Variants in ERC1 observed in about 807,000 individuals in gnomAD.
The protein encoded by ERC1 is ELKS/RAB6-interacting/CAST family member 1.
In ERC1, 56 loss-of-function variants were observed where a neutral mutation model predicts 132.0. The observed-to-expected ratio is 0.42, with a 90% CI of 0.34 to 0.53. ERC1 has a LOEUF of 0.53. Ranked by LOEUF, ERC1 falls within the 20% of genes least tolerant of loss-of-function variation. ERC1 has a pLI of 0.03. For missense variants in ERC1, 1,202 were observed against 1,349.9 expected (o/e 0.89, Z 1.72); for synonymous variants, 478 against 476.1 (o/e 1.00, Z -0.05).
rs1222939982 is a variant in ERC1 at position 1,491,238 on chromosome 12, C to T, written c.*1008C>T. 1 of 231,442 alleles carries T rather than the reference C, an allele frequency of 4.3e-6. No homozygotes were observed. Among genetic ancestry groups the T allele is most frequent in the African/African-American group, 2.2e-5 (1 of 45,268 alleles). 14.3% of individuals were successfully genotyped at this position (231,442 alleles called of 1,614,324 possible). A position where few individuals can be genotyped will look rare whatever the true frequency, so the allele number is the denominator to read the frequency against. Reference sequence around the variant, plus strand: ...TTGCCAGCACCCGTGTCCTGAGCTCCTGCAGCCCAGTGGCTGCTGAAGTTG... The same window carrying T: ...TTGCCAGCACCCGTGTCCTGAGCTCTTGCAGCCCAGTGGCTGCTGAAGTTG... On this transcript the variant is annotated 3_prime_UTR_variant, in exon 19 of 19. Transcript: ENST00000360905.
At chr12:1,057,585 G>GT (rs59761885) in intron 2 of ERC1, among the ~76,000 whole-genome samples, 75 of 47,674 alleles carry the variant, frequency 1.6e-3, no homozygotes, top group African/African-American at 4.5e-3. Flanking sequence ...GATGCGCATG[G>GT]TTTTTTTTTT....
chr12:1,299,274 C>T (rs1182723149), intron 15 of ERC1, among the ~76,000 whole-genome samples: 1 of 152,022 alleles, frequency 6.6e-6, no homozygotes, highest in Non-Finnish European at 1.5e-5. Flanking sequence ...ATATGCTGGG[C>T]CTTAAAAGTA....
rs778307558 is a variant in ERC1 at position 1,189,887 on chromosome 12, C to A, written c.2186C>A (p.Ala729Asp). The A allele has an allele frequency of 3.7e-6, 6 of 1,610,382 alleles. No individual in the cohort carries two copies. Among genetic ancestry groups the A allele is most frequent in the Non-Finnish European group, 4.2e-6 (5 of 1,178,194 alleles). ...KAHEAALEAR[A>D]SPEMSDRIQH... ...CATGAGGCAGCATTGGAAGCCAGAGCCAGTCCAGAGATGAGTGACCGAATA... is the reference window on the plus strand; with the variant it reads ...CATGAGGCAGCATTGGAAGCCAGAGACAGTCCAGAGATGAGTGACCGAATA... The change falls in exon 12 of 19, where the codon GCC becomes GAC. Residue 729 changes from alanine (A) to aspartate (D), a missense_variant. Ala to Asp is a moderately radical substitution (Grantham distance 126). Transcript: ENST00000360905.
intron 8 of ERC1, among the ~76,000 whole-genome samples, chr12:1,170,043 C>G (rs1952881321): frequency 6.6e-6 from 1 of 151,912 alleles, no homozygotes; most frequent in Non-Finnish European, 1.5e-5. Context: ...TGTAGATGTC[C>G]ATTCTAAATA....
chr12:1,080,831 G>A (rs117075382), intron 2 of ERC1, among the ~76,000 whole-genome samples: 8,458 of 152,016 alleles, frequency 0.056, 305 homozygotes, highest in Middle Eastern at 0.12. Context: ...CCTTAGCCAC[G>A]TGGATCTGTA....
At chr12:1,124,117 C>T (rs1227950239) in intron 7 of ERC1, among the ~76,000 whole-genome samples, 1 of 152,184 alleles carries the variant, frequency 6.6e-6, no homozygotes, top group African/African-American at 2.4e-5. Flanking sequence ...GTTTTAATAA[C>T]ATTAACAAGC....
intron 18 of ERC1, among the ~76,000 whole-genome samples, chr12:1,486,065 T>C (rs1323983010): frequency 6.6e-6 from 1 of 152,240 alleles, no homozygotes; most frequent in Non-Finnish European, 1.5e-5. Context: ...AGTCATTTAA[T>C]GGTATCAACC....
At position 1,444,547 on chromosome 12, in the gene ERC1, A is replaced by AT. The variant is rs749220776; in HGVS notation, c.3025-8dup. On this transcript the variant is annotated splice_polypyrimidine_tract_variant and intron_variant, in intron 17 of 18. Coordinates refer to ENST00000360905, the MANE Select transcript of ERC1 (RefSeq NM_178040.4). Reference sequence around the variant, plus strand: ...TCCTCATTTTATTTTATTTTATTTTATTTTTTTGCCTTAGATCATCCAGCC... The same window carrying AT: ...TCCTCATTTTATTTTATTTTATTTTATTTTTTTTGCCTTAGATCATCCAGCC... The AT allele has an allele frequency of 5.2e-6, 8 of 1,543,280 alleles. No homozygotes were observed. The highest frequency in any genetic ancestry group is 1.9e-5 in the Admixed American group (1 of 51,656).
At chr12:1,458,284 C>A (rs1451260746) in intron 18 of ERC1, among the ~76,000 whole-genome samples, 1 of 152,146 alleles carries the variant, frequency 6.6e-6, no homozygotes, top group Non-Finnish European at 1.5e-5. Flanking sequence ...GGTTACATAC[C>A]AGGAGATCAA....
chr12:1,196,972 A>AT (rs1956373623), intron 12 of ERC1, among the ~76,000 whole-genome samples: 1 of 58,250 alleles, frequency 1.7e-5, no homozygotes, highest in Non-Finnish European at 3.1e-5. Flanking sequence ...ATATATATAT[A>AT]TATATTTTTT....
chr12:1,345,024 C>T lies in ERC1; in HGVS notation c.2781-26809C>T, dbSNP rs866253866. On this transcript the variant is annotated intron_variant, in intron 15 of 18. Coordinates refer to ENST00000360905, the MANE Select transcript of ERC1 (RefSeq NM_178040.4). Reference sequence around the variant, plus strand: ...AAAAAAACAGCCCCCAAGTCAATTGCCTAGAAAATAATCATTATTTGTAGT... The same window carrying T: ...AAAAAAACAGCCCCCAAGTCAATTGTCTAGAAAATAATCATTATTTGTAGT... Among the ~76,000 whole-genome samples, 9 of 151,952 alleles carry T rather than the reference C, an allele frequency of 5.9e-5. 1 individual carries two copies. Among genetic ancestry groups the T allele is most frequent in the South Asian group, 4.2e-4 (2 of 4,818 alleles).
At chr12:1,356,213 A>AGTGTGTGTGTGTGTGTGT (rs71055145) in intron 15 of ERC1, among the ~76,000 whole-genome samples, 7 of 130,006 alleles carry the variant, frequency 5.4e-5, no homozygotes, top group African/African-American at 2.1e-4. Flanking sequence ...AAAAAAAAAA[A>AGTGTGTGTGTGTGTGTGT]GTGTGTGTGT....
rs116108924 is a variant in ERC1 at position 1,182,805 on chromosome 12, G to A, written c.2017-476G>A. Among the ~76,000 whole-genome samples the A allele has an allele frequency of 5.3e-3, 797 of 151,584 alleles. 11 individuals carry two copies. Among genetic ancestry groups the A allele is most frequent in the African/African-American group, 0.018 (748 of 41,076 alleles). On this transcript the variant is annotated intron_variant, in intron 10 of 18. Coordinates refer to ENST00000360905, the MANE Select transcript of ERC1 (RefSeq NM_178040.4). ...GTCTTCCATGTAGCTAGGACTATAC[G>A]TGTGCACTACCATGCCCAGCTAAGT...
intron 14 of ERC1, among the ~76,000 whole-genome samples, chr12:1,264,934 G>A (rs1412894571): frequency 6.6e-6 from 1 of 152,160 alleles, no homozygotes; most frequent in African/African-American, 2.4e-5. Context: ...AGCTGTGTGA[G>A]ATAGAAAGAT....
At chr12:1,240,576 G>A (rs1186493536) in intron 13 of ERC1, among the ~76,000 whole-genome samples, 2 of 152,094 alleles carry the variant, frequency 1.3e-5, no homozygotes, top group African/African-American at 4.8e-5. Flanking sequence ...CTCCTTATTT[G>A]TGTTTTCCCT....
rs530085623 is a variant in ERC1, at chr12:1,141,542, C to G, written c.1570-78C>G. ...TAACAAAACTCAACCTCTTTATAAC[C>G]TTTATAACATATCTATTTGAAAGGA... On this transcript the variant is annotated intron_variant, in intron 7 of 18. Transcript: ENST00000360905. 1.9e-4 allele frequency: 231 copies of G among 1,236,364 alleles called. 1 individual carries two copies. In the African/African-American group the frequency reaches 3.3e-3, roughly 17 times the overall value. The allele number at this position is 1,236,364 out of a possible 1,614,324, so 76.6% of individuals were successfully genotyped here. A position where few individuals can be genotyped will look rare whatever the true frequency, so the allele number is the denominator to read the frequency against.
chr12:1,175,078 A>G lies in ERC1; in HGVS notation c.1738-5462A>G, dbSNP rs554382817. ...AAAATGTACATAATTTAATTTAAAAATACTTTATTGCAAAATATGCTAATG... is the reference window on the plus strand; with the variant it reads ...AAAATGTACATAATTTAATTTAAAAGTACTTTATTGCAAAATATGCTAATG... On this transcript the variant is annotated intron_variant, in intron 8 of 18. Transcript: ENST00000360905. 2.0e-5 allele frequency among the ~76,000 whole-genome samples: 3 copies of G among 152,370 alleles called. No individual in the cohort carries two copies. The East Asian group carries it at 5.8e-4, about 29-fold the overall frequency.
intron 15 of ERC1, among the ~76,000 whole-genome samples, chr12:1,356,845 T>C (rs1290402798): frequency 2.6e-5 from 4 of 152,210 alleles, no homozygotes; most frequent in Non-Finnish European, 5.9e-5. Flanking sequence ...ATTCCAAACC[T>C]GTGTAGGAGA....
At chr12:1,282,096 G>A (rs540065157) in intron 14 of ERC1, among the ~76,000 whole-genome samples, 1 of 151,968 alleles carries the variant, frequency 6.6e-6, no homozygotes, top group African/African-American at 2.4e-5. Flanking sequence ...ACACTGATAC[G>A]TTTCCACTCT....
Sources: gnomAD v4.1 joint callset for allele counts (sites outside exome capture counted in the v4.1 genomes callset) on GRCh38, gnomAD v4.1.1 for gene constraint, MANE v1.5 for transcripts, NCBI Gene and HGNC (gene_info 2026-07-23, HGNC 2026-07-21) for gene names.